TFEC: variants seen among roughly 807,000 people sequenced by gnomAD.
TFEC encodes the protein transcription factor EC, also known as class E basic helix-loop-helix protein 34.
In TFEC, 31 loss-of-function variants were observed where a neutral mutation model predicts 41.6. The ratio of observed to expected loss-of-function variants is 0.74; its 90% CI spans 0.56 to 1.01. TFEC has a LOEUF of 1.01. Ranked by LOEUF, TFEC falls within the 50% of genes least tolerant of loss-of-function variation. TFEC has a pLI of 0.00. For synonymous variants in TFEC, 143 were observed against 140.6 expected, an observed-to-expected ratio of 1.02 and a Z score of -0.12; for missense variants, 402 against 404.1, an observed-to-expected ratio of 0.99 and a Z score of 0.04.
At position 116,073,507 on chromosome 7, in the gene TFEC, T is replaced by C. The variant is rs114107822; in HGVS notation, c.198+37201A>G. Among the ~76,000 whole-genome samples, 611 of 151,950 alleles carry C rather than the reference T, an allele frequency of 4.0e-3. 4 individuals are homozygous for C. Among genetic ancestry groups the C allele is most frequent in the African/African-American group, 0.014 (577 of 41,522 alleles). ...GGATACATGTGCAGAACATGTAGGTTGCAGCAAACTACCATAGCACGTGTA... is the reference window on the plus strand; with the variant it reads ...GGATACATGTGCAGAACATGTAGGTCGCAGCAAACTACCATAGCACGTGTA... On this transcript the variant is annotated intron_variant, in intron 3 of 8. Transcript: ENST00000484212.
intron 3 of TFEC, among the ~76,000 whole-genome samples, chr7:116,105,782 C>G (rs117624951): frequency 9.2e-5 from 14 of 152,104 alleles, no homozygotes; most frequent in Non-Finnish European, 1.9e-4. Flanking sequence ...CAAAAAGAGA[C>G]AGATTTAACC....
At chr7:116,050,542 A>C (rs1439351885) in intron 3 of TFEC, among the ~76,000 whole-genome samples, 1 of 152,284 alleles carries the variant, frequency 6.6e-6, no homozygotes, top group Non-Finnish European at 1.5e-5. Context: ...AGACACATCA[A>C]AAAGTGCTCA....
intron 3 of TFEC, among the ~76,000 whole-genome samples, chr7:116,051,241 A>G (rs1213323622): frequency 1.3e-5 from 2 of 152,258 alleles, no homozygotes; most frequent in Non-Finnish European, 2.9e-5. Context: ...GCACATGTAT[A>G]CATATGTAAC....
intron 1 of TFEC, among the ~76,000 whole-genome samples, chr7:116,009,117 C>T (rs1794908088): frequency 6.6e-6 from 1 of 152,114 alleles, no homozygotes; most frequent in Admixed American, 6.6e-5. Context: ...TTTCATCTAC[C>T]TCCATTTATA....
At chr7:115,969,154 C>T (rs761347590) in intron 3 of TFEC, among the ~76,000 whole-genome samples, 2 of 151,716 alleles carry the variant, frequency 1.3e-5, no homozygotes, top group Non-Finnish European at 2.9e-5. Context: ...TTGCTGAGCA[C>T]CTGTGATGTG....
At chr7:115,992,941 T>C (rs552730873) in intron 1 of TFEC, among the ~76,000 whole-genome samples, 2 of 152,326 alleles carry the variant, frequency 1.3e-5, no homozygotes, top group East Asian at 3.9e-4. Flanking sequence ...TTAACATTGA[T>C]GCAAAAATCC....
intron 1 of TFEC, among the ~76,000 whole-genome samples, chr7:116,012,992 C>T (rs1302536243): frequency 6.6e-6 from 1 of 151,834 alleles, no homozygotes; most frequent in Non-Finnish European, 1.5e-5. Flanking sequence ...TCTAGTCTAA[C>T]CATTTTCTAA....
rs1357011147 is a variant in TFEC, at chr7:115,981,130, C to T, written c.180+3132G>A. 2.6e-5 allele frequency among the ~76,000 whole-genome samples: 4 copies of T among 152,022 alleles called. No individual in the cohort carries two copies. In the South Asian group the frequency reaches 8.3e-4, roughly 32 times the overall value. On this transcript the variant is annotated intron_variant, in intron 2 of 7. Transcript: ENST00000265440. Reference sequence around the variant, plus strand: ...CTGCATTTAAGTCCTGTAGCCCCACCCTAATCCTCCTTTCTAACCTCAGTC... The same window carrying T: ...CTGCATTTAAGTCCTGTAGCCCCACTCTAATCCTCCTTTCTAACCTCAGTC...
At chr7:116,127,104 TTTTTTG>T (rs1383892525) in intron 1 of TFEC, among the ~76,000 whole-genome samples, 5 of 147,522 alleles carry the variant, frequency 3.4e-5, no homozygotes, top group Non-Finnish European at 7.4e-5. Flanking sequence ...TTGTTTTTTG[TTTTTTG>T]TTTTTGAGAC....
intron 1 of TFEC, among the ~76,000 whole-genome samples, chr7:116,018,722 T>TG: frequency 6.6e-6 from 1 of 152,120 alleles, no homozygotes; most frequent in East Asian, 1.9e-4. Flanking sequence ...GGAGAAATGA[T>TG]GAAGTATGAG....
intron 3 of TFEC, among the ~76,000 whole-genome samples, chr7:116,038,098 G>T (rs1454945364): frequency 6.6e-6 from 1 of 151,916 alleles, no homozygotes; most frequent in African/African-American, 2.4e-5. Flanking sequence ...CAAGTTTTCT[G>T]TCCCCTGCAA....
intron 4 of TFEC, among the ~76,000 whole-genome samples, chr7:115,956,434 T>C (rs1042649235): frequency 6.7e-6 from 1 of 150,274 alleles, no homozygotes; most frequent in Non-Finnish European, 1.5e-5. Flanking sequence ...TACATGTATA[T>C]ATGTATGTAA....
intron 1 of TFEC, among the ~76,000 whole-genome samples, chr7:115,992,095 C>G (rs572169968): frequency 2.0e-5 from 3 of 152,258 alleles, no homozygotes; most frequent in South Asian, 4.2e-4. Flanking sequence ...ACAACCTGCT[C>G]CTGAATGACT....
intron 3 of TFEC, among the ~76,000 whole-genome samples, chr7:116,077,695 T>G (rs1397550036): frequency 6.6e-6 from 1 of 151,914 alleles, no homozygotes; most frequent in Non-Finnish European, 1.5e-5. Context: ...CATTATATAG[T>G]GATAAATGGA....
chr7:116,153,040 G>A (rs754294126), intron 1 of TFEC, among the ~76,000 whole-genome samples: 13 of 152,134 alleles, frequency 8.5e-5, no homozygotes, highest in African/African-American at 1.4e-4. Context: ...AGCCACGAAA[G>A]ATATTTTTAA....
intron 2 of TFEC, among the ~76,000 whole-genome samples, chr7:115,981,805 C>A (rs112300876): frequency 4.0e-4 from 61 of 151,876 alleles, no homozygotes; most frequent in African/African-American, 1.4e-3. Context: ...ATTATCCAGA[C>A]AAACGGTCAT....
intron 1 of TFEC, 121 bp from the exon 2 acceptor site, chr7:115,984,634 A>T: frequency 8.4e-7 from 1 of 1,194,414 alleles, no homozygotes; most frequent in South Asian, 1.7e-5. Context: ...TTTCTCTCCA[A>T]TCTATCGTCC....
intron 3 of TFEC, among the ~76,000 whole-genome samples, chr7:116,062,060 C>A (rs62475196): frequency 0.063 from 9,484 of 149,976 alleles, 391 homozygotes; most frequent in Non-Finnish European, 0.095. Context: ...GTCTACTGTA[C>A]CATTCTTTTT....
intron 3 of TFEC, among the ~76,000 whole-genome samples, chr7:115,970,036 T>C (rs1793062066): frequency 6.6e-6 from 1 of 152,114 alleles, no homozygotes; most frequent in Admixed American, 6.6e-5. Flanking sequence ...CAGTAGAATA[T>C]ATAAGTCTGG....
Sources: allele counts gnomAD v4.1 joint callset (sites outside exome capture counted in the v4.1 genomes callset), GRCh38; gene constraint gnomAD v4.1.1; transcripts MANE v1.5; gene names NCBI Gene and HGNC (gene_info 2026-07-23, HGNC 2026-07-21).